Variants in ADCY8 observed in about 807,000 individuals in gnomAD.
ADCY8 encodes adenylate cyclase type 8.
ADCY8 carries 51 observed loss-of-function variants against 119.7 expected under a neutral mutation model. That is an observed-to-expected ratio of 0.43 (90% confidence interval 0.34 to 0.54). The LOEUF (loss-of-function observed/expected upper bound fraction) is 0.54, where lower values mean the gene tolerates loss of function less well. Among genes scored for constraint, ADCY8 ranks in the 20% least tolerant of loss-of-function variants. The pLI is 0.03. For synonymous variants in ADCY8, 665 were observed against 651.0 expected (o/e 1.02, Z -0.33); for missense variants, 1,383 against 1,598.8 (o/e 0.87, Z 2.30).
At chr8:131,010,884 A>T (rs998097817) in intron 1 of ADCY8, among the ~76,000 whole-genome samples, 68 of 152,320 alleles carry the variant, frequency 4.5e-4, no homozygotes, top group South Asian at 4.1e-4. Flanking sequence ...CCATTTACTG[A>T]TTTTTGTGGG....
At chr8:130,800,641 T>C in intron 14 of ADCY8, 69 bp from the exon 15 acceptor site, 1 of 1,550,380 alleles carries the variant, frequency 6.5e-7, no homozygotes. Context: ...ATGCTTCCTG[T>C]GCACACATGT....
intron 5 of ADCY8, among the ~76,000 whole-genome samples, chr8:130,932,806 C>T (rs1211863805): frequency 6.6e-6 from 1 of 152,066 alleles, no homozygotes; most frequent in Non-Finnish European, 1.5e-5. Flanking sequence ...GTGGACGACC[C>T]TGGCCTTTCG....
At chr8:130,874,354 T>TAAATAAATAAAA (rs1300412408) in intron 8 of ADCY8, among the ~76,000 whole-genome samples, 184 of 136,050 alleles carry the variant, frequency 1.4e-3, no homozygotes, top group Middle Eastern at 4.0e-3. Context: ...AATAAATAAA[T>TAAATAAATAAAA]AAAATACACC....
intron 5 of ADCY8, among the ~76,000 whole-genome samples, chr8:130,917,862 T>C (rs1820177583): frequency 6.6e-6 from 1 of 151,900 alleles, no homozygotes; most frequent in Non-Finnish European, 1.5e-5. Flanking sequence ...ATGCCCCTTA[T>C]TGTATAGTGC....
intron 4 of ADCY8, among the ~76,000 whole-genome samples, chr8:130,939,147 A>T (rs764720909): frequency 1.6e-4 from 24 of 152,062 alleles, no homozygotes; most frequent in Non-Finnish European, 3.2e-4. Flanking sequence ...CACCAAAAAC[A>T]GCAACCCAAA....
chr8:130,980,927 G>A (rs1396993229), intron 2 of ADCY8, among the ~76,000 whole-genome samples: 1 of 152,178 alleles, frequency 6.6e-6, no homozygotes, highest in African/African-American at 2.4e-5. Flanking sequence ...GTGAAAGGCT[G>A]TCAACAGTAT....
chr8:130,814,984 A>G (rs1816291459), intron 13 of ADCY8, among the ~76,000 whole-genome samples: 2 of 152,150 alleles, frequency 1.3e-5, no homozygotes, highest in Non-Finnish European at 2.9e-5. Flanking sequence ...CTAACCCCCA[A>G]TGTGATGGCA....
intron 2 of ADCY8, among the ~76,000 whole-genome samples, chr8:130,975,928 A>G (rs1007730714): frequency 1.3e-5 from 2 of 152,190 alleles, no homozygotes; most frequent in African/African-American, 4.8e-5. Context: ...TTTATACTAT[A>G]GTAACTTCAA....
rs149853595 is a variant in ADCY8 at position 130,955,323 on chromosome 8, T to G, written c.1111-3325A>C. Among the ~76,000 whole-genome samples the G allele has an allele frequency of 7.2e-3, 1,090 of 152,208 alleles. 18 individuals are homozygous for G. The highest frequency in any genetic ancestry group is 0.024 in the African/African-American group (1,010 of 41,524). On this transcript the variant is annotated intron_variant, in intron 2 of 17. Transcript: ENST00000286355. ...TAGATGAACAACTGAGAAAATGAAG[T>G]CTCGGAGAAGTAGTTTCTCAAGGTT...
chr8:130,787,708 TTG>T (rs1266672941), intron 15 of ADCY8, among the ~76,000 whole-genome samples: 1 of 151,872 alleles, frequency 6.6e-6, no homozygotes. Context: ...ATGCATGCAT[TTG>T]TGTGAGTATG....
At chr8:130,988,975 T>C (rs1822490029) in intron 2 of ADCY8, among the ~76,000 whole-genome samples, 1 of 152,248 alleles carries the variant, frequency 6.6e-6, no homozygotes, top group Non-Finnish European at 1.5e-5. Flanking sequence ...ATTCTCTGAA[T>C]TGGCACAGAT....
rs562845786 is a variant in ADCY8, at chr8:130,816,816, G to A, written c.2755-2589C>T. Among the ~76,000 whole-genome samples the A allele has an allele frequency of 6.3e-4, 96 of 152,150 alleles. 1 individual carries two copies. Among genetic ancestry groups the A allele is most frequent in the African/African-American group, 2.0e-3 (85 of 41,494 alleles). ...TTAATCTATGAAATGACAAAGGAAG[G>A]GAATGGTGTGGGAAAATAGGGTTAG... On this transcript the variant is annotated intron_variant, in intron 13 of 17. Transcript: ENST00000286355.
Position 131,039,775 on chromosome 8 carries a change from C to G in ADCY8, c.559G>C (p.Val187Leu), listed in dbSNP as rs554994778. 1 of 1,614,218 alleles carries G rather than the reference C, an allele frequency of 6.2e-7. No individual in the cohort carries two copies. The highest frequency in any genetic ancestry group is 8.5e-7 in the Non-Finnish European group (1 of 1,180,048). ...QRRKSEVVMNVLDVLTKLTLL... is the reference protein window; with the variant it reads ...QRRKSEVVMNLLDVLTKLTLL... ...GTGAGTTTGGTCAGCACGTCCAGCA[C>G]GTTCATCACCACTTCCGATTTGCGC... Residue 187 changes from valine (V) to leucine (L), a missense_variant, in exon 1 of 18, where the codon GTG becomes CTG. By Grantham distance (32) the Val-to-Leu change is conservative. Around this residue, in one of 2 missense-constraint regions of ADCY8, gnomAD observed 455 missense variants for 435.3 expected, o/e 1.05. Coordinates refer to ENST00000286355, the MANE Select transcript of ADCY8 (RefSeq NM_001115.3).
chr8:130,843,666 T>A (rs1231390019), intron 11 of ADCY8, among the ~76,000 whole-genome samples: 1 of 152,214 alleles, frequency 6.6e-6, no homozygotes, highest in Non-Finnish European at 1.5e-5. Flanking sequence ...GTAAATCTTG[T>A]TCCTGTTAGT....
At chr8:130,999,143 C>T (rs1292094944) in intron 1 of ADCY8, among the ~76,000 whole-genome samples, 1 of 152,128 alleles carries the variant, frequency 6.6e-6, no homozygotes, top group Non-Finnish European at 1.5e-5. Context: ...AGCACAGGGC[C>T]TAGCATCCCA....
intron 1 of ADCY8, among the ~76,000 whole-genome samples, chr8:131,017,930 C>A (rs1823534439): frequency 6.6e-6 from 1 of 152,082 alleles, no homozygotes; most frequent in Non-Finnish European, 1.5e-5. Context: ...CTGATAAGCA[C>A]CAACATCTGA....
intron 12 of ADCY8, among the ~76,000 whole-genome samples, chr8:130,825,792 A>T (rs914991031): frequency 6.6e-6 from 1 of 152,160 alleles, no homozygotes; most frequent in African/African-American, 2.4e-5. Context: ...TTTACTTTTT[A>T]ATTGAGCAGA....
intron 8 of ADCY8, among the ~76,000 whole-genome samples, chr8:130,874,619 T>C (rs975237549): frequency 6.6e-6 from 1 of 152,128 alleles, no homozygotes; most frequent in Non-Finnish European, 1.5e-5. Flanking sequence ...CGTTTAAGAT[T>C]GATGGGCTTC....
intron 9 of ADCY8, among the ~76,000 whole-genome samples, chr8:130,856,551 G>A (rs755378852): frequency 5.9e-5 from 9 of 152,042 alleles, no homozygotes; most frequent in East Asian, 1.9e-4. Flanking sequence ...AGGTGCCTTC[G>A]GTCAGGACCC....
Sources: allele counts gnomAD v4.1 joint callset (sites outside exome capture counted in the v4.1 genomes callset), GRCh38; gene constraint gnomAD v4.1.1; regional missense constraint gnomAD v4.1.1; transcripts MANE v1.5; gene names NCBI Gene and HGNC (gene_info 2026-07-23, HGNC 2026-07-21).